CCDC88A: variants seen among roughly 807,000 people sequenced by gnomAD.
The protein encoded by CCDC88A is girdin.
CCDC88A carries 54 observed loss-of-function variants against 234.3 expected under a neutral mutation model. The observed-to-expected ratio is 0.23, with a 90% CI of 0.19 to 0.29. The LOEUF (loss-of-function observed/expected upper bound fraction) is 0.29. Ranked by LOEUF, CCDC88A falls within the 10% of genes least tolerant of loss-of-function variation. The pLI, the probability that CCDC88A is intolerant of heterozygous loss-of-function variation, is 1.00. For synonymous variants in CCDC88A, 753 were observed against 737.8 expected, an observed-to-expected ratio of 1.02 and a Z score of -0.33; for missense variants, 1,832 against 2,123.4, an observed-to-expected ratio of 0.86 and a Z score of 2.70.
intron 3 of CCDC88A, among the ~76,000 whole-genome samples, chr2:55,387,176 C>CAAAAAAAAAAA (rs869311337): frequency 1.4e-5 from 1 of 69,770 alleles, no homozygotes; most frequent in Non-Finnish European, 2.3e-5. Flanking sequence ...GATTCCATCT[C>CAAAAAAAAAAA]AAAAAAAAAA....
At chr2:55,295,069 T>C in intron 31 of CCDC88A, 3 of 1,293,814 alleles carry the variant, frequency 2.3e-6, no homozygotes, top group Non-Finnish European at 3.0e-6. Context: ...TTTGATCATA[T>C]ACAACCATAT....
At chr2:55,368,529 G>T (rs1197184115) in intron 5 of CCDC88A, among the ~76,000 whole-genome samples, 1 of 147,490 alleles carries the variant, frequency 6.8e-6, no homozygotes, top group Non-Finnish European at 1.5e-5. Flanking sequence ...TCCTTATGCT[G>T]CCCAGGTTGA....
At chr2:55,387,510 G>C (rs542569404) in intron 3 of CCDC88A, among the ~76,000 whole-genome samples, 1 of 152,064 alleles carries the variant, frequency 6.6e-6, no homozygotes, top group South Asian at 2.1e-4. Context: ...GGCCAGGCAT[G>C]GGGGCTCATG....
At chr2:55,370,926 C>G (rs1455560971) in intron 5 of CCDC88A, among the ~76,000 whole-genome samples, 1 of 151,638 alleles carries the variant, frequency 6.6e-6, no homozygotes, top group Non-Finnish European at 1.5e-5. Context: ...ATGGGAAGAT[C>G]ATTTGAACCC....
intron 31 of CCDC88A, 175 bp downstream of exon 31, chr2:55,295,422 C>G (rs1219299937): frequency 6.5e-7 from 1 of 1,550,212 alleles, no homozygotes; most frequent in Admixed American, 2.0e-5. Flanking sequence ...ACTAGGCATC[C>G]TAATAGTGGC....
At chr2:55,396,714 C>T (rs1316062292) in intron 2 of CCDC88A, among the ~76,000 whole-genome samples, 1 of 151,590 alleles carries the variant, frequency 6.6e-6, no homozygotes. Flanking sequence ...ACTAAAAATA[C>T]AAAAAATTAG....
intron 8 of CCDC88A, among the ~76,000 whole-genome samples, chr2:55,353,122 T>G (rs1670114463): frequency 6.6e-6 from 1 of 152,244 alleles, no homozygotes; most frequent in Non-Finnish European, 1.5e-5. Context: ...TTACATTTTC[T>G]AATCAGTATT....
chr2:55,326,587 G>C (rs1192150962), intron 17 of CCDC88A, among the ~76,000 whole-genome samples: 1 of 152,100 alleles, frequency 6.6e-6, no homozygotes, highest in South Asian at 2.1e-4. Context: ...TTTTGAGACA[G>C]GGTCTCACTC....
At chr2:55,333,907 A>G (rs1190490432) in intron 15 of CCDC88A, among the ~76,000 whole-genome samples, 187 bp downstream of exon 15, 1 of 152,016 alleles carries the variant, frequency 6.6e-6, no homozygotes, top group Non-Finnish European at 1.5e-5. Flanking sequence ...TTAAAAATAC[A>G]ATTTATAGGT....
intron 32 of CCDC88A, 48 bp downstream of exon 32, chr2:55,291,628 T>C (rs1285658215): frequency 1.1e-5 from 9 of 795,936 alleles, no homozygotes; most frequent in African/African-American, 3.5e-5. Flanking sequence ...TTTGGTTAGT[T>C]TGTATAAATG....
chr2:55,295,011 A>T, intron 31 of CCDC88A: 1 of 1,206,688 alleles, frequency 8.3e-7, no homozygotes, highest in South Asian at 1.6e-5. Flanking sequence ...AAATCATATT[A>T]GAGAAGCAGT....
intron 3 of CCDC88A, among the ~76,000 whole-genome samples, chr2:55,386,887 G>C (rs1486092386): frequency 6.6e-6 from 1 of 151,796 alleles, no homozygotes; most frequent in Non-Finnish European, 1.5e-5. Flanking sequence ...TTGAGCTAAA[G>C]AAAAAGGGCT....
chr2:55,297,235 A>C (rs1257382406), intron 29 of CCDC88A: 2 of 127,850 alleles, frequency 1.6e-5, no homozygotes, highest in African/African-American at 5.9e-5. Context: ...ATTAGACAAA[A>C]TATATATATA....
intron 23 of CCDC88A, among the ~76,000 whole-genome samples, chr2:55,310,707 C>A (rs1165917789): frequency 6.6e-6 from 1 of 152,142 alleles, no homozygotes; most frequent in Non-Finnish European, 1.5e-5. Context: ...GTAGAAGATG[C>A]CTTGTGAACA....
intron 3 of CCDC88A, among the ~76,000 whole-genome samples, chr2:55,388,053 A>G (rs1408460579): frequency 6.6e-6 from 1 of 152,124 alleles, no homozygotes; most frequent in Non-Finnish European, 1.5e-5. Context: ...GGTTGCTCTC[A>G]CTCTGCGCCC....
Position 55,335,935 on chromosome 2 carries a change from A to G in CCDC88A, c.1656+746T>C, listed in dbSNP as rs1200793860. ...TGCTCAAGCATGGTGGCTGGCACCT[A>G]TAATCCTAGCACTTCGGGAGGCTGA... On this transcript the variant is annotated intron_variant, in intron 14 of 32. Coordinates refer to ENST00000436346, the MANE Select transcript of CCDC88A (RefSeq NM_001365480.1). The surrounding 1 kb of genome is among the most constrained non-coding windows in gnomAD (Gnocchi z 4.5). 4.6e-5 allele frequency among the ~76,000 whole-genome samples: 7 copies of G among 152,112 alleles called. No homozygotes were observed. The highest frequency in any genetic ancestry group is 7.4e-5 in the Non-Finnish European group (5 of 67,998).
intron 23 of CCDC88A, among the ~76,000 whole-genome samples, chr2:55,310,733 T>C (rs1168442554): frequency 6.6e-6 from 1 of 152,178 alleles, no homozygotes; most frequent in African/African-American, 2.4e-5. Context: ...TGCCAACAGT[T>C]ATACCACAGT....
rs900354572 is a variant in CCDC88A at position 55,288,934 on chromosome 2, T to A, written c.*2266A>T. On this transcript the variant is annotated 3_prime_UTR_variant, in exon 33 of 33. Transcript: ENST00000436346. ...TATACTGGAGAAAGTAAAATATTCA[T>A]GTGGTTACTACTGTCTAGTCGTTTC... The A allele has an allele frequency of 4.6e-5, 7 of 152,204 alleles. No individual in the cohort carries two copies. Among genetic ancestry groups the A allele is most frequent in the African/African-American group, 1.7e-4 (7 of 41,458 alleles). 9.4% of individuals were successfully genotyped at this position (152,204 alleles called of 1,614,324 possible).
At chr2:55,338,830 T>C (rs958059968) in intron 13 of CCDC88A, 1 of 152,196 alleles carries the variant, frequency 6.6e-6, no homozygotes, top group African/African-American at 2.4e-5. Context: ...ACAATACAAA[T>C]ATTTTTAAAT....
Sources: allele counts gnomAD v4.1 joint callset (sites outside exome capture counted in the v4.1 genomes callset), GRCh38; gene constraint gnomAD v4.1.1; non-coding constraint Gnocchi (gnomAD v3.1); transcripts MANE v1.5; gene names NCBI Gene and HGNC (gene_info 2026-07-23, HGNC 2026-07-21).